Variants in SMOC1 observed in about 807,000 individuals in gnomAD.
SMOC1 encodes SPARC related modular calcium binding 1.
SMOC1 carries 22 observed loss-of-function variants against 56.3 expected under a neutral mutation model. That is an observed-to-expected ratio of 0.39 (90% CI 0.28 to 0.56). The LOEUF is 0.56. Among genes scored for constraint, SMOC1 ranks in the 20% least tolerant of loss-of-function variants. The pLI is 0.61. For synonymous variants in SMOC1, 193 were observed against 215.0 expected (o/e 0.90, Z 0.89); for missense variants, 509 against 565.4 (o/e 0.90, Z 1.01).
At chr14:69,883,193 T>C (rs1361896485) in intron 1 of SMOC1, among the ~76,000 whole-genome samples, 2 of 152,244 alleles carry the variant, frequency 1.3e-5, no homozygotes, top group African/African-American at 2.4e-5. Context: ...AACTTGTCAT[T>C]AACTATAGTC....
intron 1 of SMOC1, among the ~76,000 whole-genome samples, chr14:69,916,876 C>G (rs1039474412): frequency 6.6e-6 from 1 of 152,202 alleles, no homozygotes; most frequent in South Asian, 2.1e-4. Context: ...TTCTGTCCTC[C>G]TGCTGGAATG....
intron 1 of SMOC1, among the ~76,000 whole-genome samples, chr14:69,912,693 G>T (rs896468884): frequency 6.6e-6 from 1 of 152,174 alleles, no homozygotes; most frequent in Admixed American, 6.5e-5. Flanking sequence ...TCACAAGATG[G>T]TTGCTGGAGC....
chr14:70,001,217 G>A (rs530954621), intron 7 of SMOC1, among the ~76,000 whole-genome samples: 1 of 152,236 alleles, frequency 6.6e-6, no homozygotes, highest in Non-Finnish European at 1.5e-5. Context: ...GAGTCATCTA[G>A]CATTGCCGCT....
chr14:69,989,396 G>C (rs1347783630), intron 5 of SMOC1, among the ~76,000 whole-genome samples: 1 of 152,148 alleles, frequency 6.6e-6, no homozygotes, highest in Non-Finnish European at 1.5e-5. Context: ...TTGTTATTGA[G>C]TTGTAAGGTT....
chr14:69,910,895 G>A (rs1208911057), intron 1 of SMOC1, among the ~76,000 whole-genome samples: 3 of 152,070 alleles, frequency 2.0e-5, no homozygotes, highest in Admixed American at 1.3e-4. Flanking sequence ...TAGTGGGAGC[G>A]GGTCTGTTGT....
intron 7 of SMOC1, among the ~76,000 whole-genome samples, chr14:70,006,078 G>C (rs1885138096): frequency 6.6e-6 from 1 of 152,192 alleles, no homozygotes; most frequent in South Asian, 2.1e-4. Flanking sequence ...AAAACTGATA[G>C]ATGTGAATTT....
chr14:70,012,460 G>A (rs1177843650), intron 9 of SMOC1, among the ~76,000 whole-genome samples: 1 of 152,244 alleles, frequency 6.6e-6, no homozygotes, highest in Non-Finnish European at 1.5e-5. Flanking sequence ...AGATAGTTGT[G>A]GTGGGTACTC....
chr14:70,015,046 T>TGCACACA (rs1885459070), intron 10 of SMOC1, among the ~76,000 whole-genome samples: 2 of 152,134 alleles, frequency 1.3e-5, no homozygotes, highest in Non-Finnish European at 2.9e-5. Context: ...ATAGCCAAGA[T>TGCACACA]ATGGAAACAA....
intron 5 of SMOC1, among the ~76,000 whole-genome samples, chr14:69,981,827 T>C (rs1381213977): frequency 6.6e-6 from 1 of 152,192 alleles, no homozygotes; most frequent in Non-Finnish European, 1.5e-5. Context: ...TGACTCTTTT[T>C]GGGGTCTCAA....
intron 6 of SMOC1, 134 bp downstream of exon 6, chr14:69,992,607 G>T: frequency 1.3e-6 from 1 of 784,644 alleles, no homozygotes. Context: ...CCCAGTGTAA[G>T]CTGGGTTGTT....
intron 1 of SMOC1, among the ~76,000 whole-genome samples, chr14:69,920,606 G>A (rs889114114): frequency 4.6e-5 from 7 of 152,238 alleles, no homozygotes; most frequent in African/African-American, 1.7e-4. Context: ...CACAGCGCCA[G>A]GTAAGGATAC....
In SMOC1 at chr14:69,988,057, T is replaced by C. The variant is rs1884430451; in HGVS notation, c.527-4360T>C. Reference sequence around the variant, plus strand: ...ACTTACTTGCATTGTTATTCAATTCTCTTTTTATCTGCCTGGTTTCTCCCT... The same window carrying C: ...ACTTACTTGCATTGTTATTCAATTCCCTTTTTATCTGCCTGGTTTCTCCCT... On this transcript the variant is annotated intron_variant, in intron 5 of 11. Coordinates refer to ENST00000361956, the MANE Select transcript of SMOC1 (RefSeq NM_001034852.3). Among the ~76,000 whole-genome samples the C allele has an allele frequency of 2.6e-5, 4 of 152,220 alleles. No homozygotes were observed. In the South Asian group the frequency reaches 8.3e-4, roughly 32 times the overall value.
intron 1 of SMOC1, among the ~76,000 whole-genome samples, chr14:69,941,622 C>G (rs1882569297): frequency 2.0e-5 from 3 of 152,176 alleles, no homozygotes. Context: ...GTTTTACTTC[C>G]TTCATTGGCT....
At chr14:69,930,527 C>T (rs542120346) in intron 1 of SMOC1, among the ~76,000 whole-genome samples, 27 of 152,236 alleles carry the variant, frequency 1.8e-4, no homozygotes, top group Admixed American at 1.0e-3. Flanking sequence ...GGAACAACAC[C>T]GAGTCAGTTC....
At chr14:69,983,633 T>G (rs1229181255) in intron 5 of SMOC1, among the ~76,000 whole-genome samples, 3 of 152,242 alleles carry the variant, frequency 2.0e-5, no homozygotes, top group African/African-American at 4.8e-5. Flanking sequence ...GCGGGTGGCC[T>G]GAGCTGAGCA....
intron 1 of SMOC1, among the ~76,000 whole-genome samples, chr14:69,940,991 A>G (rs551140310): frequency 6.6e-6 from 1 of 152,338 alleles, no homozygotes; most frequent in South Asian, 2.1e-4. Flanking sequence ...GTCTCTGAGT[A>G]AAAGGTTTGA....
intron 11 of SMOC1, among the ~76,000 whole-genome samples, chr14:70,025,593 G>T (rs1885896381): frequency 6.6e-6 from 1 of 152,160 alleles, no homozygotes; most frequent in East Asian, 1.9e-4. Context: ...CGGCTTGAGT[G>T]TCCCTTATCT....
At chr14:69,937,836 A>G (rs995067326) in intron 1 of SMOC1, among the ~76,000 whole-genome samples, 3 of 152,220 alleles carry the variant, frequency 2.0e-5, no homozygotes, top group Middle Eastern at 3.2e-3. Context: ...CAATCAGTAC[A>G]GCAGGATCTC....
chr14:70,011,422 A>C, intron 8 of SMOC1, 63 bp from the exon 9 acceptor site: 1 of 1,446,138 alleles, frequency 6.9e-7, no homozygotes, highest in Non-Finnish European at 9.7e-7. Context: ...GCTGGGCAGT[A>C]GTGACTGAAG....
Sources: gnomAD v4.1 joint callset for allele counts (sites outside exome capture counted in the v4.1 genomes callset) on GRCh38, gnomAD v4.1.1 for gene constraint, MANE v1.5 for transcripts, NCBI Gene and HGNC (gene_info 2026-07-23, HGNC 2026-07-21) for gene names.